Variants in BLTP1 observed in about 807,000 individuals in gnomAD.
BLTP1 encodes fragile site-associated protein.
chr4:122,221,766 C>G, the BLTP1 span: 1 of 979,502 alleles, frequency 1.0e-6, no homozygotes. Flanking sequence ...GAGAGGAAGC[C>G]CATCTCCCTT....
chr4:122,193,267 A>G, the BLTP1 span, among the ~76,000 whole-genome samples: 3 of 152,182 alleles, frequency 2.0e-5, no homozygotes, highest in Non-Finnish European at 4.4e-5. Context: ...TTTTTAGGTT[A>G]CTTGGTATTC....
At chr4:122,211,618 T>A in the BLTP1 span, among the ~76,000 whole-genome samples, 1 of 152,198 alleles carries the variant, frequency 6.6e-6, no homozygotes, top group Non-Finnish European at 1.5e-5. Flanking sequence ...ATATCAAACT[T>A]AGGTTCTAAA....
the BLTP1 span, among the ~76,000 whole-genome samples, chr4:122,326,655 GATTCA>G: frequency 1.3e-5 from 2 of 151,484 alleles, no homozygotes; most frequent in African/African-American, 2.4e-5. Context: ...TATTTGAAGT[GATTCA>G]ATTCAAGTCC....
the BLTP1 span, among the ~76,000 whole-genome samples, chr4:122,319,242 A>G: frequency 6.6e-6 from 1 of 151,656 alleles, no homozygotes; most frequent in Admixed American, 6.6e-5. Flanking sequence ...TTTTATTATT[A>G]CTTTTCTTAT....
the BLTP1 span, chr4:122,250,959 T>C: frequency 1.0e-6 from 1 of 985,358 alleles, no homozygotes. Flanking sequence ...TTTTTGTCAG[T>C]GTTTGCTTAT....
the BLTP1 span, chr4:122,261,557 G>A: frequency 8.6e-5 from 85 of 983,912 alleles, no homozygotes; most frequent in Admixed American, 3.7e-4. Context: ...TTCATTAATT[G>A]TGGAAAGTCT....
At chr4:122,353,130 T>C in the BLTP1 span, 1 of 1,613,710 alleles carries the variant, frequency 6.2e-7, no homozygotes, top group Admixed American at 1.7e-5. The surrounding 1 kb of genome is among the most constrained non-coding windows in gnomAD (Gnocchi z 4.3). Flanking sequence ...CTTTTTGGAC[T>C]GAAGCTCAGA....
the BLTP1 span, chr4:122,325,490 A>C: frequency 1.0e-6 from 1 of 984,808 alleles, no homozygotes; most frequent in African/African-American, 1.7e-5. Context: ...CCCTTATAAC[A>C]TTTTCTGAGA....
At chr4:122,340,324 T>C in the BLTP1 span, among the ~76,000 whole-genome samples, 1 of 152,016 alleles carries the variant, frequency 6.6e-6, no homozygotes, top group Non-Finnish European at 1.5e-5. Context: ...GTGAAAAAAA[T>C]AAAATCCCAA....
At chr4:122,176,235 G>C in the BLTP1 span, among the ~76,000 whole-genome samples, 3 of 151,820 alleles carry the variant, frequency 2.0e-5, no homozygotes, top group African/African-American at 4.8e-5. Context: ...CCCAGGAGGC[G>C]GAGGTTGCAG....
chr4:122,263,148 C>T, the BLTP1 span: 24 of 965,842 alleles, frequency 2.5e-5, no homozygotes, highest in Middle Eastern at 5.3e-4. Flanking sequence ...TGTAACTTTT[C>T]GGAGTCTTCA....
At chr4:122,249,111 A>T in the BLTP1 span, 3 of 870,138 alleles carry the variant, frequency 3.4e-6, no homozygotes, top group Non-Finnish European at 4.1e-6. Context: ...TGCCTAGAAA[A>T]TAATGTTTTT....
At chr4:122,236,683 C>G in the BLTP1 span, 4 of 809,226 alleles carry the variant, frequency 4.9e-6, no homozygotes, top group East Asian at 5.0e-4. Context: ...ATCACAAACT[C>G]AAGAAAGAAT....
chr4:122,343,995 A>AT, the BLTP1 span: 29 of 961,144 alleles, frequency 3.0e-5, no homozygotes, highest in Non-Finnish European at 3.6e-5. Context: ...AGAGACTATA[A>AT]TTTAAGTCAG....
the BLTP1 span, chr4:122,286,447 A>G: frequency 1.1e-5 from 17 of 1,557,382 alleles, no homozygotes; most frequent in African/African-American, 1.4e-5. Context: ...GGGAATATCC[A>G]TGCATTTTTC....
the BLTP1 span, chr4:122,197,946 T>C: frequency 6.1e-6 from 6 of 983,228 alleles, no homozygotes; most frequent in Non-Finnish European, 7.2e-6. Context: ...AAATTCTGCT[T>C]TATTTTCTTT....
chr4:122,218,202 G>A, the BLTP1 span, among the ~76,000 whole-genome samples: 13 of 151,688 alleles, frequency 8.6e-5, no homozygotes, highest in East Asian at 2.1e-3. Flanking sequence ...AATGTTGATC[G>A]AACTCACTTA....
the BLTP1 span, among the ~76,000 whole-genome samples, chr4:122,308,348 C>T: frequency 6.6e-6 from 1 of 152,034 alleles, no homozygotes; most frequent in South Asian, 2.1e-4. Flanking sequence ...TCTCATGGGA[C>T]TTTTCTCTGA....
At chr4:122,197,924 G>A in the BLTP1 span, 64 of 965,524 alleles carry the variant, frequency 6.6e-5, no homozygotes, top group African/African-American at 1.0e-3. Context: ...GTAATTGAGA[G>A]CAGTTAAGAT....
Sources: allele counts gnomAD v4.1 joint callset (sites outside exome capture counted in the v4.1 genomes callset), GRCh38; gene constraint gnomAD v4.1.1; non-coding constraint Gnocchi (gnomAD v3.1); transcripts MANE v1.5; gene names NCBI Gene and HGNC (gene_info 2026-07-23, HGNC 2026-07-21).